The following RAP1GDS1 variants were observed in gnomAD, a reference collection of about 807,000 sequenced individuals.
RAP1GDS1 encodes the protein Rap1 GTPase-GDP dissociation stimulator 1.
A neutral mutation model predicts 71.1 loss-of-function variants in RAP1GDS1; 35 were observed. That is an observed-to-expected ratio of 0.49 (90% CI 0.38 to 0.65). The LOEUF is 0.65. Ranked by LOEUF, RAP1GDS1 falls within the 30% of genes least tolerant of loss-of-function variation. The pLI, the probability that RAP1GDS1 is intolerant of heterozygous loss-of-function variation, is 0.00. For synonymous variants in RAP1GDS1, 229 were observed against 243.1 expected, an observed-to-expected ratio of 0.94 and a Z score of 0.54; for missense variants, 663 against 706.1, an observed-to-expected ratio of 0.94 and a Z score of 0.69.
intron 2 of RAP1GDS1, among the ~76,000 whole-genome samples, chr4:98,320,301 G>A (rs1399694628): frequency 6.6e-6 from 1 of 152,150 alleles, no homozygotes; most frequent in Admixed American, 6.5e-5. Flanking sequence ...TGATTTGGTG[G>A]CCTAAAGTAT....
chr4:98,282,045 A>T (rs1382441278), intron 1 of RAP1GDS1, among the ~76,000 whole-genome samples: 1 of 152,172 alleles, frequency 6.6e-6, no homozygotes, highest in South Asian at 2.1e-4. Flanking sequence ...ATCGATGTTC[A>T]TCAGGGATAT....
At chr4:98,408,104 A>ATAT (rs1448565786) in intron 7 of RAP1GDS1, among the ~76,000 whole-genome samples, 29 of 137,418 alleles carry the variant, frequency 2.1e-4, no homozygotes, top group African/African-American at 7.7e-4. Context: ...ATATATATAT[A>ATAT]TTTTTTTTTT....
intron 2 of RAP1GDS1, among the ~76,000 whole-genome samples, chr4:98,325,004 A>G (rs1362358231): frequency 6.7e-6 from 1 of 150,348 alleles, no homozygotes; most frequent in East Asian, 2.0e-4. Flanking sequence ...ATGGGAGAAA[A>G]TTTTCGCAAC....
intron 2 of RAP1GDS1, among the ~76,000 whole-genome samples, chr4:98,296,029 A>AAACAACAAC (rs5860532): frequency 7.4e-4 from 111 of 150,426 alleles, no homozygotes; most frequent in African/African-American, 8.1e-4. Context: ...CTTGCTTTTT[A>AAACAACAAC]AACAACAACA....
chr4:98,330,455 ACTTCC>A (rs1478203779), intron 2 of RAP1GDS1, among the ~76,000 whole-genome samples: 4 of 148,070 alleles, frequency 2.7e-5, no homozygotes, highest in Non-Finnish European at 4.5e-5. Flanking sequence ...GGCACTCCTC[ACTTCC>A]CAGACGGGGT....
At chr4:98,297,846 A>G (rs980562067) in intron 2 of RAP1GDS1, among the ~76,000 whole-genome samples, 5 of 152,236 alleles carry the variant, frequency 3.3e-5, no homozygotes, top group African/African-American at 1.2e-4. Flanking sequence ...TGAGGAAAGC[A>G]TGTCGAAAGC....
intron 2 of RAP1GDS1, among the ~76,000 whole-genome samples, chr4:98,294,262 C>A (rs1727396685): frequency 6.6e-6 from 1 of 151,756 alleles, no homozygotes; most frequent in Non-Finnish European, 1.5e-5. Context: ...CTTGTCCTAT[C>A]CTGAAACTAA....
intron 1 of RAP1GDS1, 51 bp from the exon 2 acceptor site, chr4:98,293,357 C>T (rs1375553984): frequency 2.5e-6 from 3 of 1,220,926 alleles, no homozygotes; most frequent in South Asian, 1.4e-5. Flanking sequence ...TGTCATGTAA[C>T]ATATGGTGGT....
At chr4:98,410,772 A>G (rs1746945406) in intron 7 of RAP1GDS1, among the ~76,000 whole-genome samples, 2 of 149,136 alleles carry the variant, frequency 1.3e-5, no homozygotes, top group Non-Finnish European at 2.9e-5. Flanking sequence ...TTCAATTTAT[A>G]TAAAGTTAAA....
intron 5 of RAP1GDS1, among the ~76,000 whole-genome samples, chr4:98,381,565 G>A (rs1248891820): frequency 6.6e-6 from 1 of 151,432 alleles, no homozygotes; most frequent in Admixed American, 6.6e-5. Context: ...ACCTAGATAA[G>A]TCCCTGAAAC....
rs187933455 is a variant in RAP1GDS1 at position 98,270,655 on chromosome 4, A to G, written c.4+9086A>G. ...AAGTGGTTAAATTGAGCTCTTAGCT[A>G]TGATTGGCTGTACAGTTGACCGTTG... On this transcript the variant is annotated intron_variant, in intron 1 of 14. Transcript: ENST00000408927. Among the ~76,000 whole-genome samples the G allele has an allele frequency of 3.0e-3, 453 of 152,286 alleles. 1 individual carries two copies. The highest frequency in any genetic ancestry group is 4.5e-3 in the Non-Finnish European group (304 of 68,000).
intron 7 of RAP1GDS1, among the ~76,000 whole-genome samples, chr4:98,415,299 C>G (rs1747779417): frequency 6.6e-6 from 1 of 152,166 alleles, no homozygotes; most frequent in South Asian, 2.1e-4. Context: ...CCATGTTTTA[C>G]AATCAGACTT....
intron 6 of RAP1GDS1, among the ~76,000 whole-genome samples, chr4:98,397,261 A>G (rs17027559): frequency 0.053 from 8,095 of 152,236 alleles, 538 homozygotes; most frequent in African/African-American, 0.16. Context: ...ATATGGTTTT[A>G]AAGTATGCAT....
chr4:98,300,846 C>T lies in RAP1GDS1; in HGVS notation c.112+7331C>T, dbSNP rs553333120. 8.5e-5 allele frequency among the ~76,000 whole-genome samples: 13 copies of T among 152,250 alleles called. No individual in the cohort carries two copies. In the South Asian group the frequency reaches 2.5e-3, roughly 29 times the overall value. ...TATCTCTGAGGTATGCCTTTATGTA[C>T]AGAAGGTGTTAATCTAGATTACTCC... On this transcript the variant is annotated intron_variant, in intron 2 of 14. Transcript: ENST00000408927.
intron 2 of RAP1GDS1, among the ~76,000 whole-genome samples, chr4:98,295,408 A>G (rs1727593277): frequency 6.6e-6 from 1 of 152,110 alleles, no homozygotes; most frequent in Admixed American, 6.6e-5. Flanking sequence ...GCCTAAGACT[A>G]CTGACAAAGA....
rs397994660 is a variant in RAP1GDS1, at chr4:98,443,015, AT to A, written c.*921del. 0.051 allele frequency: 6,979 copies of A among 136,856 alleles called. 19 individuals are homozygous for A. Among genetic ancestry groups the A allele is most frequent in the Middle Eastern group, 0.15 (57 of 392 alleles). 8.5% of individuals were successfully genotyped at this position (136,856 alleles called of 1,614,324 possible). ...TGAGTATAGTTCATTGAAGAATGGAATTTTTTTTTTTTTTTTTTTTTTTGCT... is the reference window on the plus strand; with the variant it reads ...TGAGTATAGTTCATTGAAGAATGGAATTTTTTTTTTTTTTTTTTTTTTGCT... On this transcript the variant is annotated 3_prime_UTR_variant, in exon 15 of 15. Transcript: ENST00000408927.
intron 12 of RAP1GDS1, among the ~76,000 whole-genome samples, chr4:98,431,236 G>T (rs959529378): frequency 6.6e-6 from 1 of 152,156 alleles, no homozygotes; most frequent in Non-Finnish European, 1.5e-5. Context: ...TACTGAAAAG[G>T]CTTTGATGAT....
chr4:98,398,904 G>A (rs1744948258), intron 6 of RAP1GDS1, among the ~76,000 whole-genome samples: 2 of 152,160 alleles, frequency 1.3e-5, no homozygotes. Flanking sequence ...ACAAAACACT[G>A]ATGAGGGAAA....
chr4:98,298,694 A>G (rs542401296), intron 2 of RAP1GDS1, among the ~76,000 whole-genome samples: 42 of 152,280 alleles, frequency 2.8e-4, no homozygotes, highest in Middle Eastern at 6.8e-3. Context: ...TCTGACGTAC[A>G]TGGAGATAAA....
Sources: allele counts gnomAD v4.1 joint callset (sites outside exome capture counted in the v4.1 genomes callset), GRCh38; gene constraint gnomAD v4.1.1; transcripts MANE v1.5; gene names NCBI Gene and HGNC (gene_info 2026-07-23, HGNC 2026-07-21).